Variants in TTC34 observed in about 807,000 individuals in gnomAD.
TTC34 encodes the protein tetratricopeptide repeat protein 34.
Under a neutral mutation model 40.7 loss-of-function variants are expected in TTC34, and 44 were observed. The observed-to-expected ratio is 1.08, with a 90% CI of 0.85 to 1.39. TTC34 has a LOEUF of 1.39. TTC34 is among the 40% of genes most tolerant of loss of function. The pLI is 0.00. For synonymous variants in TTC34, 422 were observed against 398.6 expected, an observed-to-expected ratio of 1.06 and a Z score of -0.70; for missense variants, 884 against 838.0, an observed-to-expected ratio of 1.05 and a Z score of -0.68.
exon 9 of TTC34, chr1:2,641,573 T>C: frequency 2.0e-6 from 3 of 1,533,108 alleles, no homozygotes; most frequent in Non-Finnish European, 2.6e-6. Context: ...CAGGCTGTTC[T>C]GGGCCAAGGA....
chr1:2,688,196 C>G (rs1417025791), intron 6 of TTC34, among the ~76,000 whole-genome samples: 988 of 111,212 alleles, frequency 8.9e-3, no homozygotes, highest in African/African-American at 0.024. Context: ...CAGCCTGGAG[C>G]AGCACCCCAC....
At chr1:2,643,094 G>A (rs1375315923) in intron 8 of TTC34, among the ~76,000 whole-genome samples, 1 of 152,182 alleles carries the variant, frequency 6.6e-6, no homozygotes, top group East Asian at 1.9e-4. Context: ...AGGAGGGCGA[G>A]GCCCCGAGCA....
chr1:2,756,620 C>A (rs1641514118), intron 6 of TTC34, among the ~76,000 whole-genome samples: 1 of 152,196 alleles, frequency 6.6e-6, no homozygotes, highest in South Asian at 2.1e-4. Context: ...TGGAACAGCA[C>A]CCACACCCCC....
intron 6 of TTC34, among the ~76,000 whole-genome samples, chr1:2,750,717 G>A (rs1641291132): frequency 1.4e-5 from 2 of 147,360 alleles, no homozygotes; most frequent in African/African-American, 2.5e-5. Flanking sequence ...GCCTGGAGCA[G>A]CACCCACACC....
At chr1:2,754,221 C>G (rs1641423589) in intron 6 of TTC34, among the ~76,000 whole-genome samples, 1 of 50,878 alleles carries the variant, frequency 2.0e-5, no homozygotes, top group Non-Finnish European at 3.4e-5. Context: ...CCCACACCCC[C>G]AGGTGAGCAT....
intron 6 of TTC34, among the ~76,000 whole-genome samples, chr1:2,754,778 C>A (rs1218247039): frequency 3.0e-4 from 44 of 148,132 alleles, no homozygotes; most frequent in South Asian, 4.3e-4. Context: ...AGCACCCACA[C>A]CCACAGGTGA....
chr1:2,654,160 G>A (rs951175003), intron 6 of TTC34, among the ~76,000 whole-genome samples: 4 of 149,596 alleles, frequency 2.7e-5, no homozygotes, highest in Admixed American at 6.7e-5. Context: ...GCACGGAGCA[G>A]CACCCACACC....
intron 8 of TTC34, among the ~76,000 whole-genome samples, chr1:2,642,829 G>C (rs191604572): frequency 4.6e-4 from 70 of 152,336 alleles, no homozygotes; most frequent in African/African-American, 1.6e-3. Context: ...GGTCCGTGCA[G>C]GGAGCGAGGG....
chr1:2,801,571 ACT>A lies in TTC34; in HGVS notation c.-42+4_-42+5del, dbSNP rs1643773312. The A allele has an allele frequency of 6.6e-6, 1 of 152,022 alleles. No individual in the cohort carries two copies. The highest frequency in any genetic ancestry group is 1.5e-5 in the Non-Finnish European group (1 of 68,116). 9.4% of individuals were successfully genotyped at this position (152,022 alleles called of 1,614,324 possible). ...TCCGCTCTCAGACACACACAGACAC[ACT>A]CACACTCGTCTGCAGCTTGGAGGCT... On this transcript the variant is annotated splice_donor_5th_base_variant and intron_variant, in intron 1 of 8. Coordinates refer to ENST00000401095, the Ensembl canonical transcript of TTC34.
intron 4 of TTC34, among the ~76,000 whole-genome samples, chr1:2,787,163 G>A (rs1643601367): frequency 6.6e-6 from 1 of 152,344 alleles, no homozygotes; most frequent in Non-Finnish European, 1.5e-5. Context: ...TCGGCCTGCA[G>A]TCGGTTCCTG....
At chr1:2,788,001 A>G (rs934372863) in intron 3 of TTC34, among the ~76,000 whole-genome samples, 2 of 152,232 alleles carry the variant, frequency 1.3e-5, no homozygotes, top group African/African-American at 4.8e-5. Flanking sequence ...TTCTGCAAAA[A>G]CACAGACGAA....
chr1:2,788,562 G>C (rs1430215318), intron 3 of TTC34, among the ~76,000 whole-genome samples: 1 of 152,208 alleles, frequency 6.6e-6, no homozygotes, highest in Non-Finnish European at 1.5e-5. Context: ...AATTACACGA[G>C]GGAAGTCAAA....
At chr1:2,800,321 G>A (rs541061465) in exon 2 of TTC34, 85 of 398,552 alleles carry the variant, frequency 2.1e-4, no homozygotes, top group African/African-American at 1.6e-3. Context: ...CCGTCCGGTC[G>A]GCGCTGGAGG....
intron 6 of TTC34, among the ~76,000 whole-genome samples, chr1:2,655,172 AC>A (rs1639299216): frequency 7.1e-6 from 1 of 140,684 alleles, no homozygotes; most frequent in African/African-American, 2.8e-5. Flanking sequence ...CAGCACCCAC[AC>A]CCCCAGGTGA....
At chr1:2,672,751 C>T (rs1257006820) in intron 6 of TTC34, among the ~76,000 whole-genome samples, 2 of 77,284 alleles carry the variant, frequency 2.6e-5, no homozygotes, top group African/African-American at 4.0e-5. Flanking sequence ...GCAGCACCCA[C>T]AGCCCAAGGT....
chr1:2,750,413 G>GAGAAT (rs1641277696), intron 6 of TTC34, among the ~76,000 whole-genome samples: 1 of 80,318 alleles, frequency 1.2e-5, no homozygotes, highest in Non-Finnish European at 2.4e-5. Flanking sequence ...ACCCCCAGGT[G>GAGAAT]CGCACGTGAC....
At chr1:2,673,353 C>T in intron 6 of TTC34, among the ~76,000 whole-genome samples, 1 of 73,484 alleles carries the variant, frequency 1.4e-5, no homozygotes, top group African/African-American at 4.6e-5. Flanking sequence ...GCGGAACCCA[C>T]GGCCACAGGC....
At chr1:2,642,037 G>T in intron 8 of TTC34, 142 bp from the exon 9 acceptor site, 1 of 959,152 alleles carries the variant, frequency 1.0e-6, no homozygotes. Flanking sequence ...CACAGGAGCT[G>T]CCCGCTGCTT....
At chr1:2,752,911 G>C (rs1641372121) in intron 6 of TTC34, among the ~76,000 whole-genome samples, 1 of 122,592 alleles carries the variant, frequency 8.2e-6, no homozygotes, top group African/African-American at 3.0e-5. Context: ...GTGAGCATCC[G>C]ACATCCTGAA....
Sources: allele counts gnomAD v4.1 joint callset (sites outside exome capture counted in the v4.1 genomes callset), GRCh38; gene constraint gnomAD v4.1.1; transcripts MANE v1.5; gene names NCBI Gene and HGNC (gene_info 2026-07-23, HGNC 2026-07-21).